SPOCK3: variants seen among roughly 807,000 people sequenced by gnomAD.
SPOCK3 encodes the protein SPARC (osteonectin), cwcv and kazal like domains proteoglycan 3, also known as testican-3.
In SPOCK3, 30 loss-of-function variants were observed where a neutral mutation model predicts 56.6. The observed-to-expected ratio is 0.53, with a 90% confidence interval of 0.40 to 0.72. SPOCK3 has a LOEUF of 0.72. SPOCK3 is among the 30% of genes least tolerant of loss of function. The probability of loss-of-function intolerance (pLI) is 0.00; values close to 1 mark genes in which losing one functional copy is unlikely to be tolerated. For missense variants in SPOCK3, 527 were observed against 530.0 expected (o/e 0.99, Z 0.06); for synonymous variants, 196 against 183.3 (o/e 1.07, Z -0.56).
intron 6 of SPOCK3, among the ~76,000 whole-genome samples, chr4:166,875,950 C>T (rs111764108): frequency 1.4e-5 from 2 of 144,444 alleles, no homozygotes; most frequent in African/African-American, 5.2e-5. Context: ...CACATGAATT[C>T]CCATTGCCCC....
At chr4:166,924,629 T>C (rs1738864521) in intron 4 of SPOCK3, among the ~76,000 whole-genome samples, 1 of 152,206 alleles carries the variant, frequency 6.6e-6, no homozygotes, top group Admixed American at 6.5e-5. Flanking sequence ...TCACTAACAA[T>C]GCCTGAAAGG....
intron 3 of SPOCK3, among the ~76,000 whole-genome samples, chr4:167,058,444 G>C (rs1755164654): frequency 1.3e-5 from 2 of 152,032 alleles, no homozygotes; most frequent in Non-Finnish European, 2.9e-5. Context: ...AACTTACAAG[G>C]GATGTGAAGG....
chr4:166,850,366 A>G (rs1237337481), intron 6 of SPOCK3, among the ~76,000 whole-genome samples: 4 of 152,220 alleles, frequency 2.6e-5, no homozygotes, highest in Non-Finnish European at 5.9e-5. Flanking sequence ...AAAGATGTCT[A>G]GAGTTAAAGT....
At chr4:167,031,901 G>A (rs777486354) in intron 3 of SPOCK3, among the ~76,000 whole-genome samples, 14 of 151,990 alleles carry the variant, frequency 9.2e-5, no homozygotes, top group Non-Finnish European at 1.5e-4. Flanking sequence ...TCTGGACCAC[G>A]TACAGGGGTA....
intron 7 of SPOCK3, among the ~76,000 whole-genome samples, chr4:166,755,459 A>C (rs1736948120): frequency 6.6e-6 from 1 of 152,150 alleles, no homozygotes; most frequent in East Asian, 1.9e-4. Flanking sequence ...CACGAACCTC[A>C]GTTTCCTAAA....
At chr4:166,926,374 C>T (rs987341631) in intron 4 of SPOCK3, among the ~76,000 whole-genome samples, 2 of 152,082 alleles carry the variant, frequency 1.3e-5, no homozygotes, top group East Asian at 3.9e-4. Flanking sequence ...ATCTGTAGAA[C>T]TTCAGTTTTC....
At chr4:167,059,111 A>C (rs1755271855) in intron 3 of SPOCK3, among the ~76,000 whole-genome samples, 1 of 152,100 alleles carries the variant, frequency 6.6e-6, no homozygotes, top group Admixed American at 6.6e-5. Flanking sequence ...CATGTCTAAA[A>C]CACCAAAAGC....
At chr4:167,190,394 A>C (rs2110840911) in intron 2 of SPOCK3, among the ~76,000 whole-genome samples, 1 of 146,106 alleles carries the variant, frequency 6.8e-6, no homozygotes, top group South Asian at 2.1e-4. Flanking sequence ...TCACATACCT[A>C]TTGGACATTC....
chr4:166,936,304 TAATTA>T (rs1189521018), intron 4 of SPOCK3, among the ~76,000 whole-genome samples: 3 of 152,108 alleles, frequency 2.0e-5, no homozygotes, highest in South Asian at 4.1e-4. Context: ...GATTTTAATT[TAATTA>T]ATCACAATTA....
intron 4 of SPOCK3, among the ~76,000 whole-genome samples, chr4:166,953,275 G>A (rs1440796338): frequency 6.6e-6 from 1 of 152,114 alleles, no homozygotes; most frequent in Non-Finnish European, 1.5e-5. Flanking sequence ...GTGGGCGAAG[G>A]ACATGAACAG....
intron 4 of SPOCK3, among the ~76,000 whole-genome samples, chr4:166,984,913 G>A (rs1294829414): frequency 6.6e-6 from 1 of 152,016 alleles, no homozygotes; most frequent in African/African-American, 2.4e-5. Context: ...TAATGATCAT[G>A]CTTTTAGTTC....
chr4:167,151,723 C>T (rs532857852), intron 2 of SPOCK3, among the ~76,000 whole-genome samples: 1 of 152,250 alleles, frequency 6.6e-6, no homozygotes, highest in South Asian at 2.1e-4. Context: ...GCGTGAGCCA[C>T]CACGCCCAGC....
At chr4:167,054,544 G>T (rs1240464765) in intron 3 of SPOCK3, among the ~76,000 whole-genome samples, 1 of 152,158 alleles carries the variant, frequency 6.6e-6, no homozygotes, top group Admixed American at 6.5e-5. Context: ...CTAATGAAGA[G>T]AAGTAATATC....
chr4:167,149,881 G>A, intron 2 of SPOCK3, among the ~76,000 whole-genome samples: 1 of 151,042 alleles, frequency 6.6e-6, no homozygotes, highest in Non-Finnish European at 1.5e-5. Context: ...TAAAAGTATA[G>A]ATGCAGAGAT....
chr4:166,845,877 T>C (rs1410830454), intron 6 of SPOCK3, among the ~76,000 whole-genome samples: 1 of 152,152 alleles, frequency 6.6e-6, no homozygotes, highest in Non-Finnish European at 1.5e-5. Context: ...CTTGGTCCTT[T>C]CGTGAACATC....
intron 3 of SPOCK3, among the ~76,000 whole-genome samples, chr4:167,060,178 A>T (rs1755434976): frequency 6.6e-6 from 1 of 150,872 alleles, no homozygotes; most frequent in Admixed American, 6.6e-5. Flanking sequence ...AAGAAAGAAA[A>T]TGAAGGACTT....
At chr4:166,778,650 G>C (rs374778560) in intron 7 of SPOCK3, among the ~76,000 whole-genome samples, 1 of 151,834 alleles carries the variant, frequency 6.6e-6, no homozygotes, top group African/African-American at 2.4e-5. Flanking sequence ...ATTATTTTAG[G>C]TTCCACTTTC....
intron 6 of SPOCK3, among the ~76,000 whole-genome samples, chr4:166,881,756 T>A (rs181474215): frequency 6.6e-6 from 1 of 152,200 alleles, no homozygotes; most frequent in East Asian, 1.9e-4. Flanking sequence ...AGCTCAAATA[T>A]CATTTTAAGA....
At chr4:167,069,200 G>A (rs545085584) in intron 2 of SPOCK3, among the ~76,000 whole-genome samples, 2 of 151,918 alleles carry the variant, frequency 1.3e-5, no homozygotes, top group East Asian at 3.9e-4. Flanking sequence ...CTAATAATAT[G>A]TGGCAGAATG....
Sources: allele counts gnomAD v4.1 joint callset (sites outside exome capture counted in the v4.1 genomes callset), GRCh38; gene constraint gnomAD v4.1.1; transcripts MANE v1.5; gene names NCBI Gene and HGNC (gene_info 2026-07-23, HGNC 2026-07-21).